SLC33A1: variants seen among roughly 807,000 people sequenced by gnomAD.
SLC33A1 encodes acetyl-coenzyme A transporter 1.
Under a neutral mutation model 50.0 loss-of-function variants are expected in SLC33A1, and 20 were observed. That is an observed-to-expected ratio of 0.40 (90% CI 0.28 to 0.58). The LOEUF (loss-of-function observed/expected upper bound fraction) is 0.58. Ranked by LOEUF, SLC33A1 falls within the 20% of genes least tolerant of loss-of-function variation. The pLI is 0.44. For missense variants in SLC33A1, 476 were observed against 657.0 expected, an observed-to-expected ratio of 0.72 and a Z score of 3.01; for synonymous variants, 265 against 251.8, an observed-to-expected ratio of 1.05 and a Z score of -0.50.
intron 2 of SLC33A1, among the ~76,000 whole-genome samples, chr3:155,841,001 A>G (rs1317561036): frequency 9.9e-5 from 15 of 151,448 alleles, no homozygotes; most frequent in Admixed American, 9.9e-4. Context: ...ATATATATAT[A>G]TATTGTTATG....
rs1183464191 is a variant in SLC33A1 at position 155,842,331 on chromosome 3, T to C, written c.963+101A>G. ...ATTGTTTTTCATTGTTAAATTCTAA[T>C]GGTAGTGGAAAGGGACCTGTGATAT... On this transcript the variant is annotated intron_variant, in intron 2 of 5. Coordinates refer to ENST00000643144, the MANE Select transcript of SLC33A1 (RefSeq NM_004733.4). The C allele has an allele frequency of 5.9e-6, 4 of 682,134 alleles. No homozygotes were observed. The East Asian group carries it at 1.1e-4, about 19-fold the overall frequency. The allele number at this position is 682,134 out of a possible 1,614,324, so 42.3% of individuals were successfully genotyped here. A position where few individuals can be genotyped will look rare whatever the true frequency, so the allele number is the denominator to read the frequency against.
At chr3:155,833,388 T>C in intron 4 of SLC33A1, 80 bp downstream of exon 4, 1 of 800,462 alleles carries the variant, frequency 1.2e-6, no homozygotes, top group Non-Finnish European at 2.3e-6. Flanking sequence ...ATTATCATTA[T>C]TTTAAGACAA....
At chr3:155,850,452 T>C (rs1452973036) in intron 1 of SLC33A1, among the ~76,000 whole-genome samples, 1 of 150,926 alleles carries the variant, frequency 6.6e-6, no homozygotes, top group African/African-American at 2.5e-5. Context: ...ACTAAATTGC[T>C]AATTAGCTAA....
At chr3:155,830,008 A>G in intron 4 of SLC33A1, 105 bp from the exon 5 acceptor site, 1 of 775,368 alleles carries the variant, frequency 1.3e-6, no homozygotes, top group South Asian at 1.6e-5. Flanking sequence ...TTTTCATGGT[A>G]TTTATTGAAC....
chr3:155,851,279 T>C (rs1033866183), intron 1 of SLC33A1, among the ~76,000 whole-genome samples: 3 of 152,068 alleles, frequency 2.0e-5, no homozygotes, highest in African/African-American at 7.2e-5. Flanking sequence ...GGTTGCACTC[T>C]GTTGACCAGG....
intron 1 of SLC33A1, among the ~76,000 whole-genome samples, chr3:155,852,289 C>T (rs953659399): frequency 6.6e-6 from 1 of 151,764 alleles, no homozygotes; most frequent in East Asian, 1.9e-4. Flanking sequence ...GAGACAGCCC[C>T]CCCGACCCCC....
intron 1 of SLC33A1, among the ~76,000 whole-genome samples, chr3:155,848,947 C>G (rs890045179): frequency 6.6e-6 from 1 of 152,056 alleles, no homozygotes; most frequent in African/African-American, 2.4e-5. Flanking sequence ...CAGTCTTGCT[C>G]TGTCACCCAG....
chr3:155,830,367 A>C (rs956190366), intron 4 of SLC33A1, among the ~76,000 whole-genome samples: 1 of 151,704 alleles, frequency 6.6e-6, no homozygotes, highest in Non-Finnish European at 1.5e-5. Flanking sequence ...AGGGAGACTC[A>C]GTCTCAAAAA....
rs1752161995 is a variant in SLC33A1, at chr3:155,824,633, T to C, written c.*3577A>G. On this transcript the variant is annotated 3_prime_UTR_variant, in exon 6 of 6. Coordinates refer to ENST00000643144, the MANE Select transcript of SLC33A1 (RefSeq NM_004733.4). ...TTTTTCAACATTGTTTTCAGGATGT[T>C]TTAAACACTTTCACAACTATTACCT... 6.6e-6 allele frequency: 1 copy of C among 152,154 alleles called. No homozygotes were observed. The highest frequency in any genetic ancestry group is 2.1e-4 in the South Asian group (1 of 4,832). 9.4% of individuals were successfully genotyped at this position (152,154 alleles called of 1,614,324 possible).
chr3:155,835,441 C>T (rs958444869), intron 2 of SLC33A1, among the ~76,000 whole-genome samples: 54 of 152,244 alleles, frequency 3.5e-4, no homozygotes, highest in African/African-American at 1.2e-3. Flanking sequence ...TCTTTTCTAA[C>T]GAAGAGCAGC....
chr3:155,845,520 G>T (rs1753135493), intron 1 of SLC33A1, among the ~76,000 whole-genome samples: 1 of 152,100 alleles, frequency 6.6e-6, no homozygotes, highest in Admixed American at 6.6e-5. Flanking sequence ...TTTGTGCTTT[G>T]AGGAGAAAAT....
At chr3:155,847,846 T>C (rs902709577) in intron 1 of SLC33A1, among the ~76,000 whole-genome samples, 19 of 152,228 alleles carry the variant, frequency 1.2e-4, no homozygotes, top group African/African-American at 4.3e-4. Context: ...TTCATACTTA[T>C]AGCATCAACT....
chr3:155,832,319 G>A (rs1317991134), intron 4 of SLC33A1, among the ~76,000 whole-genome samples: 2 of 151,770 alleles, frequency 1.3e-5, no homozygotes, highest in Non-Finnish European at 2.9e-5. Context: ...CGGAGGTTGC[G>A]GTGACCTGAG....
intron 2 of SLC33A1, among the ~76,000 whole-genome samples, chr3:155,837,216 C>T (rs1181569298): frequency 1.3e-5 from 2 of 151,850 alleles, no homozygotes; most frequent in East Asian, 1.9e-4. Context: ...ATTAGCTGGG[C>T]GTGGTGGTGG....
chr3:155,834,056 C>CA lies in SLC33A1; in HGVS notation c.964-16dup, dbSNP rs1481397063. 6.2e-7 allele frequency: 1 copy of CA among 1,606,270 alleles called. No homozygotes were observed. Among genetic ancestry groups the CA allele is most frequent in the African/African-American group, 1.3e-5 (1 of 74,682 alleles). On this transcript the variant is annotated splice_polypyrimidine_tract_variant and intron_variant, in intron 2 of 5. Transcript: ENST00000643144. ...GAAAAACCAATCTGCAATATAAAAACAAAAAAGTATTTTAATTCGTGACTT... is the reference window on the plus strand; with the variant it reads ...GAAAAACCAATCTGCAATATAAAAACAAAAAAAGTATTTTAATTCGTGACTT...
In SLC33A1 at chr3:155,840,074, G is replaced by GT. The variant is rs201981923; in HGVS notation, c.963+2357dup. ...GAAATATACCAAGAAGGTCAATACT[G>GT]TTTTTTTTTAATTAATTTATTTATT... On this transcript the variant is annotated intron_variant, in intron 2 of 5. Coordinates refer to ENST00000643144, the MANE Select transcript of SLC33A1 (RefSeq NM_004733.4). 4.3e-3 allele frequency among the ~76,000 whole-genome samples: 655 copies of GT among 150,662 alleles called. 3 individuals carry two copies. The highest frequency in any genetic ancestry group is 7.1e-3 in the Non-Finnish European group (478 of 67,496).
chr3:155,839,079 G>A (rs1323494237), intron 2 of SLC33A1, among the ~76,000 whole-genome samples: 2 of 151,536 alleles, frequency 1.3e-5, no homozygotes, highest in Non-Finnish European at 2.9e-5. Flanking sequence ...ACCTGAAGTC[G>A]GGAGTTTGAC....
At chr3:155,840,157 G>A (rs537149231) in intron 2 of SLC33A1, among the ~76,000 whole-genome samples, 13 of 150,982 alleles carry the variant, frequency 8.6e-5, no homozygotes, top group African/African-American at 2.7e-4. Context: ...GCGTGATCTC[G>A]GCTCACTGCA....
At chr3:155,833,809 TCCTCATTTTAC>T (rs1752546775) in intron 3 of SLC33A1, 37 bp downstream of exon 3, 1 of 1,403,896 alleles carries the variant, frequency 7.1e-7, no homozygotes. Flanking sequence ...TGATGAATGT[TCCTCATTTTAC>T]CCTTTCTTAT....
Sources: gnomAD v4.1 joint callset for allele counts (sites outside exome capture counted in the v4.1 genomes callset) on GRCh38, gnomAD v4.1.1 for gene constraint, MANE v1.5 for transcripts, NCBI Gene and HGNC (gene_info 2026-07-23, HGNC 2026-07-21) for gene names.